DPP6: variants seen among roughly 807,000 people sequenced by gnomAD.
DPP6 encodes the protein dipeptidyl peptidase like 6, also known as A-type potassium channel modulatory protein DPP6.
In DPP6, 69 loss-of-function variants were observed where a neutral mutation model predicts 122.6. The ratio of observed to expected loss-of-function variants is 0.56; its 90% CI spans 0.46 to 0.69. The LOEUF (loss-of-function observed/expected upper bound fraction) is 0.69, where lower values mean the gene tolerates loss of function less well. Ranked by LOEUF, DPP6 falls within the 30% of genes least tolerant of loss-of-function variation. The probability of loss-of-function intolerance (pLI) is 0.00; values close to 1 mark genes in which losing one functional copy is unlikely to be tolerated. For synonymous variants in DPP6, 418 were observed against 433.1 expected (o/e 0.97, Z 0.43); for missense variants, 928 against 1,116.9 (o/e 0.83, Z 2.41).
At chr7:154,300,251 C>T (rs773828098) in intron 1 of DPP6, among the ~76,000 whole-genome samples, 10 of 152,310 alleles carry the variant, frequency 6.6e-5, no homozygotes, top group South Asian at 2.1e-4. Context: ...AGAGAAGACC[C>T]GTCTTGGCTG....
chr7:154,504,030 T>TAAAAACAACAAA, intron 3 of DPP6, among the ~76,000 whole-genome samples: 1 of 152,238 alleles, frequency 6.6e-6, no homozygotes, highest in Admixed American at 6.5e-5. Context: ...TTTAGCTGAA[T>TAAAAACAACAAA]GATCCCTGCT....
chr7:154,063,945 A>C (rs1192709899), intron 1 of DPP6, among the ~76,000 whole-genome samples: 1 of 151,934 alleles, frequency 6.6e-6, no homozygotes, highest in Non-Finnish European at 1.5e-5. Flanking sequence ...GAGCACAGCT[A>C]GAGCATCCAA....
chr7:154,280,660 C>T (rs772263151), intron 1 of DPP6, among the ~76,000 whole-genome samples: 1 of 152,124 alleles, frequency 6.6e-6, no homozygotes, highest in Non-Finnish European at 1.5e-5. Context: ...TATTGTCACT[C>T]TAATAAGAAC....
chr7:154,526,489 A>G (rs1400236208), intron 3 of DPP6, among the ~76,000 whole-genome samples: 1 of 152,202 alleles, frequency 6.6e-6, no homozygotes, highest in African/African-American at 2.4e-5. Flanking sequence ...AGTACCCACC[A>G]GCTATATGTG....
the DPP6 span, among the ~76,000 whole-genome samples, chr7:153,821,176 C>T: frequency 1.3e-5 from 2 of 151,966 alleles, no homozygotes; most frequent in African/African-American, 2.4e-5. Flanking sequence ...AAAATACAAG[C>T]TGAAAATTAA....
the DPP6 span, among the ~76,000 whole-genome samples, chr7:153,844,535 T>C: frequency 1.3e-5 from 2 of 152,246 alleles, no homozygotes; most frequent in African/African-American, 4.8e-5. Context: ...TTTTTGTACA[T>C]TACAATTAGA....
the DPP6 span, among the ~76,000 whole-genome samples, chr7:153,809,482 A>C: frequency 6.6e-6 from 1 of 152,234 alleles, no homozygotes; most frequent in African/African-American, 2.4e-5. Flanking sequence ...TTTTCCCGCA[A>C]GCAGTTCGTA....
intron 1 of DPP6, among the ~76,000 whole-genome samples, chr7:154,366,312 A>C (rs972002104): frequency 6.6e-6 from 1 of 152,210 alleles, no homozygotes; most frequent in Non-Finnish European, 1.5e-5. Context: ...ATTTATTAAA[A>C]AGCGGGGAAA....
intron 1 of DPP6, among the ~76,000 whole-genome samples, chr7:153,925,156 C>G (rs1218153292): frequency 6.6e-6 from 1 of 152,166 alleles, no homozygotes; most frequent in African/African-American, 2.4e-5. Context: ...CCTAAGAAGG[C>G]TGGTCCAGGA....
chr7:154,505,350 A>G (rs1317112989), intron 3 of DPP6, among the ~76,000 whole-genome samples: 1 of 152,226 alleles, frequency 6.6e-6, no homozygotes. Flanking sequence ...CATCTTATAT[A>G]TTATGCAACG....
chr7:153,870,228 T>A, the DPP6 span, among the ~76,000 whole-genome samples: 5 of 152,264 alleles, frequency 3.3e-5, no homozygotes, highest in Non-Finnish European at 5.9e-5. Flanking sequence ...TTCTCCTGGA[T>A]AATATCCTGC....
chr7:154,358,046 T>C (rs553012491), intron 1 of DPP6, among the ~76,000 whole-genome samples: 1 of 152,338 alleles, frequency 6.6e-6, no homozygotes, highest in East Asian at 1.9e-4. Context: ...GACAAACTTA[T>C]ACTGAACAAC....
chr7:154,110,752 G>A (rs1806515129), intron 1 of DPP6, among the ~76,000 whole-genome samples: 2 of 151,722 alleles, frequency 1.3e-5, no homozygotes, highest in Admixed American at 1.3e-4. Flanking sequence ...CCATCATCTG[G>A]AGGTCACAGA....
At chr7:153,777,541 A>G in the DPP6 span, among the ~76,000 whole-genome samples, 24 of 114,010 alleles carry the variant, frequency 2.1e-4, no homozygotes, top group African/African-American at 8.5e-4. Flanking sequence ...CGTACAATTG[A>G]GTACTACTCA....
chr7:154,515,258 C>CA (rs1826395200), intron 3 of DPP6, among the ~76,000 whole-genome samples: 1 of 152,118 alleles, frequency 6.6e-6, no homozygotes, highest in South Asian at 2.1e-4. Context: ...CGTGGCACTT[C>CA]AAAAGGTCAG....
chr7:154,823,614 G>C (rs2150503041), intron 16 of DPP6, among the ~76,000 whole-genome samples: 1 of 152,332 alleles, frequency 6.6e-6, no homozygotes, highest in African/African-American at 2.4e-5. Flanking sequence ...ATCTCATCGT[G>C]TGTAATATAT....
chr7:154,191,184 A>G (rs532512025), intron 1 of DPP6, among the ~76,000 whole-genome samples: 2 of 152,346 alleles, frequency 1.3e-5, no homozygotes, highest in African/African-American at 4.8e-5. Context: ...TGCCTGAGCC[A>G]AGTCACTGAC....
chr7:153,763,297 A>G, the DPP6 span, among the ~76,000 whole-genome samples: 1 of 151,754 alleles, frequency 6.6e-6, no homozygotes, highest in Non-Finnish European at 1.5e-5. Context: ...CATTACCACC[A>G]AATAAAACTG....
intron 12 of DPP6, among the ~76,000 whole-genome samples, chr7:154,798,347 C>CA (rs1439741021): frequency 2.6e-5 from 4 of 152,164 alleles, no homozygotes; most frequent in Admixed American, 1.3e-4. Context: ...CATATGAGAA[C>CA]AGCTACTAAA....
Sources: allele counts gnomAD v4.1 joint callset (sites outside exome capture counted in the v4.1 genomes callset), GRCh38; gene constraint gnomAD v4.1.1; transcripts MANE v1.5; gene names NCBI Gene and HGNC (gene_info 2026-07-23, HGNC 2026-07-21).